The following RBM33 variants were observed in gnomAD, a reference collection of about 807,000 sequenced individuals.
The protein encoded by RBM33 is RNA-binding protein 33.
Under a neutral mutation model 132.6 loss-of-function variants are expected in RBM33, and 28 were observed. The ratio of observed to expected loss-of-function variants is 0.21; its 90% CI spans 0.16 to 0.29. The LOEUF (loss-of-function observed/expected upper bound fraction) is 0.29, where lower values mean the gene tolerates loss of function less well. Ranked by LOEUF, RBM33 falls within the 10% of genes least tolerant of loss-of-function variation. The probability of loss-of-function intolerance (pLI) is 1.00; values close to 1 mark genes in which losing one functional copy is unlikely to be tolerated. For synonymous variants in RBM33, 634 were observed against 593.0 expected, an observed-to-expected ratio of 1.07 and a Z score of -1.01; for missense variants, 1,291 against 1,518.5, an observed-to-expected ratio of 0.85 and a Z score of 2.49.
intron 12 of RBM33, among the ~76,000 whole-genome samples, chr7:155,740,701 A>G (rs1317432677): frequency 6.6e-6 from 1 of 152,268 alleles, no homozygotes; most frequent in Non-Finnish European, 1.5e-5. Context: ...CATTAAATAC[A>G]TATAAGAAGC....
At chr7:155,651,802 C>A (rs537366242) in intron 1 of RBM33, among the ~76,000 whole-genome samples, 3 of 152,220 alleles carry the variant, frequency 2.0e-5, no homozygotes, top group South Asian at 4.1e-4. Context: ...GATTTTTAAA[C>A]CCTGAATGAT....
chr7:155,735,764 A>G (rs1284927523), intron 9 of RBM33, among the ~76,000 whole-genome samples: 2 of 152,158 alleles, frequency 1.3e-5, no homozygotes, highest in East Asian at 3.9e-4. Context: ...AAAGAGATCC[A>G]TATCAAAGCA....
chr7:155,693,144 G>A (rs545697380), intron 5 of RBM33, among the ~76,000 whole-genome samples: 2 of 152,188 alleles, frequency 1.3e-5, no homozygotes, highest in African/African-American at 2.4e-5. Context: ...ACTAAATGGT[G>A]GAATTATTTA....
At chr7:155,761,880 T>G (rs4716907) in intron 14 of RBM33, among the ~76,000 whole-genome samples, 16 of 152,194 alleles carry the variant, frequency 1.1e-4, no homozygotes, top group Admixed American at 1.0e-3. Context: ...TGACTGATTT[T>G]AGATGTTTTT....
intron 16 of RBM33, among the ~76,000 whole-genome samples, chr7:155,770,944 C>G (rs948758568): frequency 2.0e-5 from 3 of 152,194 alleles, no homozygotes; most frequent in Admixed American, 2.0e-4. Flanking sequence ...GAAGTGTATT[C>G]TTTTAACTTG....
At chr7:155,713,314 G>A (rs1020725888) in intron 8 of RBM33, among the ~76,000 whole-genome samples, 1 of 152,118 alleles carries the variant, frequency 6.6e-6, no homozygotes, top group African/African-American at 2.4e-5. Context: ...GGTTGTTGGT[G>A]AATAGGTGGA....
chr7:155,750,459 A>G (rs1427147917), intron 14 of RBM33, among the ~76,000 whole-genome samples: 1 of 152,236 alleles, frequency 6.6e-6, no homozygotes, highest in African/African-American at 2.4e-5. Flanking sequence ...TCTTTGCCTT[A>G]GGCGGTCAGT....
Position 155,702,960 on chromosome 7 carries a change from G to A in RBM33, c.739+2016G>A, listed in dbSNP as rs530213621. Among the ~76,000 whole-genome samples, 4 of 152,276 alleles carry A rather than the reference G, an allele frequency of 2.6e-5. No homozygotes were observed. In the East Asian group the frequency reaches 7.7e-4, roughly 29 times the overall value. The stretch of plus-strand genomic sequence containing the variant: ...TCCCCAACTCTGTAGTCTGCTCCCT[G>A]TGGGCTGGCTGTGGATTTCATGGCT... On this transcript the variant is annotated intron_variant, in intron 6 of 17. Transcript: ENST00000401878.
intron 14 of RBM33, among the ~76,000 whole-genome samples, chr7:155,757,240 G>A (rs558633897): frequency 8.5e-5 from 13 of 152,264 alleles, no homozygotes. Context: ...CACAACCTAG[G>A]AATGTGTATG....
chr7:155,737,749 A>G (rs576953635), intron 10 of RBM33, 87 bp downstream of exon 10: 2 of 1,371,824 alleles, frequency 1.5e-6, no homozygotes, highest in African/African-American at 2.9e-5. Flanking sequence ...AACTGAATTG[A>G]ACTCCCAGTT....
chr7:155,744,635 C>T lies in RBM33; in HGVS notation c.2338-326C>T, dbSNP rs939986196. Among the ~76,000 whole-genome samples, 23 of 152,332 alleles carry T rather than the reference C, an allele frequency of 1.5e-4. 1 individual carries two copies. Among genetic ancestry groups the T allele is most frequent in the East Asian group, 1.3e-3 (7 of 5,188 alleles). On this transcript the variant is annotated intron_variant, in intron 13 of 17. Transcript: ENST00000401878. ...AAAACCTGTGTGACAGCAGGCCTCC[C>T]TACTGCTGCCATTCCTGTTTGAAAC...
intron 1 of RBM33, among the ~76,000 whole-genome samples, chr7:155,652,991 A>G (rs533913388): frequency 7.2e-5 from 11 of 152,338 alleles, no homozygotes; most frequent in African/African-American, 2.4e-4. Context: ...TTCACTTAGC[A>G]TGATGTCTTC....
At chr7:155,680,559 T>C in intron 4 of RBM33, 31 bp from the exon 5 acceptor site, 2 of 1,431,124 alleles carry the variant, frequency 1.4e-6, no homozygotes, top group African/African-American at 1.4e-5. Context: ...CTTCATTGGG[T>C]GCTTTTTTTT....
Position 155,706,093 on chromosome 7 carries a change from A to G in RBM33, c.740-767A>G, listed in dbSNP as rs112382621. ...ATCGGGAATTTGTGTTCTTGCGTCT[A>G]TGTGCCATCGTATGCTATTAATAGC... On this transcript the variant is annotated intron_variant, in intron 6 of 17. Coordinates refer to ENST00000401878, the MANE Select transcript of RBM33 (RefSeq NM_053043.3). Among the ~76,000 whole-genome samples the G allele has an allele frequency of 2.5e-3, 386 of 152,346 alleles. 4 individuals are homozygous for G. In the East Asian group the frequency reaches 0.032, roughly 13 times the overall value.
intron 5 of RBM33, among the ~76,000 whole-genome samples, chr7:155,686,767 A>T (rs1799491413): frequency 1.3e-5 from 2 of 152,114 alleles, no homozygotes; most frequent in Non-Finnish European, 2.9e-5. Flanking sequence ...GCTGAGAATG[A>T]TGGTTTCCAG....
Position 155,745,630 on chromosome 7 carries a change from C to T in RBM33, c.2979+28C>T, listed in dbSNP as rs1298211860. On this transcript the variant is annotated intron_variant, in intron 14 of 17. Transcript: ENST00000401878. This position sits in a 1 kb window ranked among gnomAD's most constrained non-coding sequence, Gnocchi z 4.1. ...AAGTTGACAAGTTTTATGAGAGCCTCTTTGAGTCTGTGTATCACATAGAAT... is the reference window on the plus strand; with the variant it reads ...AAGTTGACAAGTTTTATGAGAGCCTTTTTGAGTCTGTGTATCACATAGAAT... 5.2e-6 allele frequency: 8 copies of T among 1,527,642 alleles called. No homozygotes were observed. Among genetic ancestry groups the T allele is most frequent in the Non-Finnish European group, 6.2e-6 (7 of 1,137,050 alleles). The allele number at this position is 1,527,642 out of a possible 1,614,324, so 94.6% of individuals were successfully genotyped here. A position where few individuals can be genotyped will look rare whatever the true frequency, so the allele number is the denominator to read the frequency against.
At position 155,775,210 on chromosome 7, in the gene RBM33, G is replaced by A. The variant is rs569869628; in HGVS notation, c.*169G>A. The stretch of plus-strand genomic sequence containing the variant: ...CCACGGGCCTGATTCCAGAGGAGCC[G>A]AACTGACAGGACACAGCAGGCTGGA... On this transcript the variant is annotated 3_prime_UTR_variant, in exon 18 of 18. Coordinates refer to ENST00000401878, the MANE Select transcript of RBM33 (RefSeq NM_053043.3). The A allele has an allele frequency of 2.0e-5, 14 of 714,746 alleles. No homozygotes were observed. The highest frequency in any genetic ancestry group is 3.1e-5 in the Non-Finnish European group (12 of 388,862). 44.3% of individuals were successfully genotyped at this position (714,746 alleles called of 1,614,324 possible). A position where few individuals can be genotyped will look rare whatever the true frequency, so the allele number is the denominator to read the frequency against.
At chr7:155,713,238 A>AG (rs1001659161) in intron 8 of RBM33, among the ~76,000 whole-genome samples, 15 of 152,122 alleles carry the variant, frequency 9.9e-5, no homozygotes, top group African/African-American at 3.4e-4. Flanking sequence ...ATGTGAGTGG[A>AG]GGGGTCTAGT....
chr7:155,648,258 A>G, intron 1 of RBM33, among the ~76,000 whole-genome samples: 1 of 152,228 alleles, frequency 6.6e-6, no homozygotes, highest in East Asian at 1.9e-4. Flanking sequence ...GTAAAATTTT[A>G]GAGCAAGATA....
Sources: allele counts gnomAD v4.1 joint callset (sites outside exome capture counted in the v4.1 genomes callset), GRCh38; gene constraint gnomAD v4.1.1; non-coding constraint Gnocchi (gnomAD v3.1); transcripts MANE v1.5; gene names NCBI Gene and HGNC (gene_info 2026-07-23, HGNC 2026-07-21).